ERAP1: variants seen among roughly 807,000 people sequenced by gnomAD.
ERAP1 encodes the protein endoplasmic reticulum aminopeptidase 1, also known as adipocyte-derived leucine aminopeptidase.
Under a neutral mutation model 103.7 loss-of-function variants are expected in ERAP1, and 86 were observed. The ratio of observed to expected loss-of-function variants is 0.83; its 90% CI spans 0.70 to 0.99. The LOEUF (loss-of-function observed/expected upper bound fraction) is 0.99. Among genes scored for constraint, ERAP1 ranks in the 50% least tolerant of loss-of-function variants. ERAP1 has a pLI of 0.00. For missense variants in ERAP1, 1,009 were observed against 1,128.4 expected (o/e 0.89, Z 1.52); for synonymous variants, 398 against 402.4 (o/e 0.99, Z 0.13).
In ERAP1 at chr5:96,803,930, C is replaced by G; in HGVS notation, c.-4G>C. On this transcript the variant is annotated 5_prime_UTR_variant, in exon 2 of 19. Coordinates refer to ENST00000443439, the MANE Select transcript of ERAP1 (RefSeq NM_001040458.3). Reference sequence around the variant, plus strand: ...ATTTGAGGGGCAGAAACACCATCTTCTTGCTCTACCTACCTAGCGGCACAA... The same window carrying G: ...ATTTGAGGGGCAGAAACACCATCTTGTTGCTCTACCTACCTAGCGGCACAA... The G allele has an allele frequency of 6.2e-7, 1 of 1,604,570 alleles. No homozygotes were observed. The highest frequency in any genetic ancestry group is 8.5e-7 in the Non-Finnish European group (1 of 1,179,990).
the ERAP1 span, among the ~76,000 whole-genome samples, chr5:96,879,368 TG>T: frequency 6.6e-6 from 1 of 152,232 alleles, no homozygotes; most frequent in Non-Finnish European, 1.5e-5. Flanking sequence ...TAGGGTTTTT[TG>T]GGGGAGTCCT....
the ERAP1 span, chr5:96,909,116 A>G: frequency 6.2e-7 from 1 of 1,613,892 alleles, no homozygotes; most frequent in Non-Finnish European, 8.5e-7. Flanking sequence ...GAAAACCTCA[A>G]GGTTTGTGTT....
chr5:96,855,126 G>A, the ERAP1 span, among the ~76,000 whole-genome samples: 7,273 of 152,162 alleles, frequency 0.048, 214 homozygotes, highest in South Asian at 0.11. Flanking sequence ...TAGCATGTTG[G>A]GGGAAATTGC....
At chr5:96,912,552 TTG>T in the ERAP1 span, 2 of 913,922 alleles carry the variant, frequency 2.2e-6, no homozygotes, top group African/African-American at 1.7e-5. Context: ...TCAGAGATTA[TTG>T]TGTTATAGGA....
the ERAP1 span, among the ~76,000 whole-genome samples, chr5:96,849,764 G>A: frequency 0.66 from 100,177 of 152,054 alleles, 33,740 homozygotes; most frequent in South Asian, 0.74. Flanking sequence ...ACAATCCTAA[G>A]ATTCTCACAG....
At chr5:96,787,144 A>G (rs1162604208) in intron 11 of ERAP1, among the ~76,000 whole-genome samples, 2 of 152,210 alleles carry the variant, frequency 1.3e-5, no homozygotes, top group East Asian at 1.9e-4. Flanking sequence ...TGCTATAAGG[A>G]TATTTTTAGG....
At chr5:96,853,320 CAGA>C in the ERAP1 span, among the ~76,000 whole-genome samples, 1 of 151,994 alleles carries the variant, frequency 6.6e-6, no homozygotes, top group Non-Finnish European at 1.5e-5. Context: ...AACCTGAGGG[CAGA>C]AGAAGGAAAG....
At chr5:96,883,919 A>G in the ERAP1 span, 1 of 1,605,824 alleles carries the variant, frequency 6.2e-7, no homozygotes, top group East Asian at 2.3e-5. Flanking sequence ...TGCACTATCC[A>G]ACATGCCAAA....
upstream of ERAP1, among the ~76,000 whole-genome samples, chr5:96,812,715 G>A (rs1390258744): frequency 3.3e-5 from 5 of 152,164 alleles, no homozygotes; most frequent in Non-Finnish European, 5.9e-5. Flanking sequence ...GAAATTAAAT[G>A]AGCTATGATA....
chr5:96,889,568 C>G, the ERAP1 span: 1 of 679,676 alleles, frequency 1.5e-6, no homozygotes, highest in South Asian at 1.7e-5. Flanking sequence ...CCAGGCTGAT[C>G]AGAAAGGGCA....
intron 17 of ERAP1, among the ~76,000 whole-genome samples, chr5:96,780,733 A>G (rs1317902080): frequency 6.6e-6 from 1 of 152,258 alleles, no homozygotes; most frequent in East Asian, 1.9e-4. Flanking sequence ...AGGAAATGCT[A>G]TAAGAGTTAG....
the ERAP1 span, chr5:96,814,116 G>A: frequency 2.6e-6 from 1 of 384,090 alleles, no homozygotes; most frequent in Non-Finnish European, 5.3e-6. Context: ...TGGAGCTGCA[G>A]TCTCACCTGA....
At chr5:96,812,920 G>A (rs987196063), upstream of ERAP1, among the ~76,000 whole-genome samples, 5 of 152,196 alleles carry the variant, frequency 3.3e-5, no homozygotes, top group African/African-American at 1.2e-4. Context: ...TGTGATTATG[G>A]AAGAAATGAC....
At chr5:96,874,180 AAGAG>A in the ERAP1 span, among the ~76,000 whole-genome samples, 17 of 82,320 alleles carry the variant, frequency 2.1e-4, no homozygotes, top group Non-Finnish European at 3.6e-4. Flanking sequence ...GAAAGAAAGA[AAGAG>A]AGAGAGAAAG....
At chr5:96,804,391 C>T (rs1778323046) in intron 1 of ERAP1, 1 of 263,436 alleles carries the variant, frequency 3.8e-6, no homozygotes, top group African/African-American at 2.3e-5. Context: ...TCCCCACTGA[C>T]ACTGGACCTT....
At chr5:96,896,504 G>T in the ERAP1 span, 2 of 1,612,334 alleles carry the variant, frequency 1.2e-6, no homozygotes, top group South Asian at 2.2e-5. Flanking sequence ...CCTATAACAA[G>T]GTAGTAAATA....
chr5:96,828,508 G>T, the ERAP1 span, among the ~76,000 whole-genome samples: 1 of 152,146 alleles, frequency 6.6e-6, no homozygotes, highest in Non-Finnish European at 1.5e-5. Flanking sequence ...TACATTCAAA[G>T]TTCATTTTTC....
the ERAP1 span, chr5:96,880,407 C>T: frequency 1.4e-6 from 1 of 734,922 alleles, no homozygotes; most frequent in Non-Finnish European, 2.2e-6. Flanking sequence ...TCTACCATTC[C>T]TTAAGGAAAC....
At chr5:96,844,922 G>A in the ERAP1 span, among the ~76,000 whole-genome samples, 1 of 150,716 alleles carries the variant, frequency 6.6e-6, no homozygotes, top group East Asian at 1.9e-4. Flanking sequence ...GCCACTTTGA[G>A]GAGCAGAGAA....
Sources: allele counts gnomAD v4.1 joint callset (sites outside exome capture counted in the v4.1 genomes callset), GRCh38; gene constraint gnomAD v4.1.1; transcripts MANE v1.5; gene names NCBI Gene and HGNC (gene_info 2026-07-23, HGNC 2026-07-21).